SLCO1B1: variants seen among roughly 807,000 people sequenced by gnomAD.
SLCO1B1 encodes the protein solute carrier organic anion transporter family member 1B1, also known as OATP-2.
In SLCO1B1, 81 loss-of-function variants were observed where a neutral mutation model predicts 70.1. The ratio of observed to expected loss-of-function variants is 1.16; its 90% confidence interval spans 0.97 to 1.39. The LOEUF (loss-of-function observed/expected upper bound fraction) is 1.39. SLCO1B1 is among the 40% of genes most tolerant of loss of function. SLCO1B1 has a pLI of 0.00. For synonymous variants in SLCO1B1, 283 were observed against 271.5 expected (o/e 1.04, Z -0.42); for missense variants, 895 against 799.6 (o/e 1.12, Z -1.44).
chr12:21,222,372 G>GAAAAAAAAA lies in SLCO1B1; in HGVS notation c.1747+26_1747+34dup, dbSNP rs4149102. 1.2e-4 allele frequency: 3 copies of GAAAAAAAAA among 24,954 alleles called. No homozygotes were observed. Among genetic ancestry groups the GAAAAAAAAA allele is most frequent in the Non-Finnish European group, 1.4e-4 (2 of 14,804 alleles). 1.5% of individuals were successfully genotyped at this position (24,954 alleles called of 1,614,324 possible). A position where few individuals can be genotyped will look rare whatever the true frequency, so the allele number is the denominator to read the frequency against. ...TGGTTATACGAGCACTAGGTATGAT[G>GAAAAAAAAA]AAAAAAAAAAAAAAAAAAAAAAAAA... On this transcript the variant is annotated intron_variant, in intron 13 of 14. Coordinates refer to ENST00000256958, the MANE Select transcript of SLCO1B1 (RefSeq NM_006446.5).
In SLCO1B1 at chr12:21,225,207, A is replaced by T. The variant is rs1941470810; in HGVS notation, c.1865+368A>T. On this transcript the variant is annotated intron_variant, in intron 14 of 14. Coordinates refer to ENST00000256958, the MANE Select transcript of SLCO1B1 (RefSeq NM_006446.5). ...TATACACATGTAAATATAGACACAG[A>T]CATATATATATGCATGTGTGTGTAT... 2.0e-5 allele frequency among the ~76,000 whole-genome samples: 3 copies of T among 152,272 alleles called. No homozygotes were observed. The South Asian group carries it at 6.2e-4, about 32-fold the overall frequency.
At chr12:21,144,950 A>C (rs1353390001) in intron 2 of SLCO1B1, among the ~76,000 whole-genome samples, 1 of 152,212 alleles carries the variant, frequency 6.6e-6, no homozygotes, top group African/African-American at 2.4e-5. Context: ...ACCTGTCACC[A>C]CAAAAATAGA....
intron 2 of SLCO1B1, 62 bp downstream of exon 2, chr12:21,141,720 A>G (rs1940311888): frequency 1.0e-6 from 1 of 993,112 alleles, no homozygotes; most frequent in Non-Finnish European, 1.6e-6. Context: ...ATGTATAGAA[A>G]AGCAAGTTGT....
intron 2 of SLCO1B1, among the ~76,000 whole-genome samples, chr12:21,168,991 T>C (rs886882031): frequency 2.6e-5 from 4 of 152,138 alleles, no homozygotes; most frequent in African/African-American, 9.6e-5. Context: ...TTTCTGGAAG[T>C]TTAAGGTCTT....
intron 2 of SLCO1B1, among the ~76,000 whole-genome samples, chr12:21,172,418 C>G (rs760103586): frequency 3.9e-5 from 6 of 152,166 alleles, no homozygotes; most frequent in Admixed American, 2.6e-4. Context: ...CTGTAGTGCT[C>G]TAATATTTTG....
In SLCO1B1 at chr12:21,174,668, T is replaced by G. The variant is rs1476378208; in HGVS notation, c.318T>G (p.Ile106Met). ...LIGIGCFIMG[I>M]GGVLTALPHF... ...GAATCGGTTGTTTCATTATGGGAAT[T>G]GGAGGTGTTTTGACTGCTTTGCCAC... is the stretch of plus-strand genomic sequence containing the variant. Residue 106 changes from isoleucine (I) to methionine (M), a missense_variant, in exon 4 of 15, where the codon ATT becomes ATG. Transcript: ENST00000256958. 23 of 1,612,842 alleles carry G rather than the reference T, an allele frequency of 1.4e-5. No individual in the cohort carries two copies. Among genetic ancestry groups the G allele is most frequent in the Non-Finnish European group, 1.9e-5 (23 of 1,179,614 alleles).
chr12:21,209,426 T>C (rs1268187149), intron 11 of SLCO1B1, among the ~76,000 whole-genome samples: 1 of 152,154 alleles, frequency 6.6e-6, no homozygotes, highest in East Asian at 1.9e-4. Context: ...CCATGGTGTA[T>C]ATGTGCCACA....
intron 2 of SLCO1B1, among the ~76,000 whole-genome samples, chr12:21,145,831 C>T (rs1376421508): frequency 1.3e-5 from 2 of 151,992 alleles, no homozygotes; most frequent in African/African-American, 4.8e-5. Context: ...TTGCTGAATG[C>T]AAGTGGTGCT....
At chr12:21,214,061 T>A (rs1433784704) in intron 11 of SLCO1B1, among the ~76,000 whole-genome samples, 1 of 152,216 alleles carries the variant, frequency 6.6e-6, no homozygotes, top group Non-Finnish European at 1.5e-5. Flanking sequence ...TTCTCTCAGC[T>A]CGTCAAAGTC....
chr12:21,197,865 T>C (rs189164222), intron 8 of SLCO1B1, among the ~76,000 whole-genome samples: 2 of 152,246 alleles, frequency 1.3e-5, no homozygotes, highest in Admixed American at 1.3e-4. Flanking sequence ...TGCATCAGCA[T>C]TTGACAGTGC....
At chr12:21,233,404 AATTCCG>A (rs2121207336) in intron 14 of SLCO1B1, among the ~76,000 whole-genome samples, 1 of 152,208 alleles carries the variant, frequency 6.6e-6, no homozygotes, top group South Asian at 2.1e-4. Flanking sequence ...TCTAACCAAG[AATTCCG>A]AGTCTTCCTC....
intron 7 of SLCO1B1, among the ~76,000 whole-genome samples, chr12:21,192,988 T>C (rs1032988714): frequency 4.6e-5 from 7 of 152,102 alleles, no homozygotes; most frequent in Non-Finnish European, 8.8e-5. Flanking sequence ...TTTGTTAGTA[T>C]CCATATTTTT....
rs1175184980 is a variant in SLCO1B1, at chr12:21,131,608, T to C, written c.-62+372T>C. ...ACTACATTGACTGATCACACTAGAC[T>C]CCTTATTTCTTTGATGTCTTCTTAA... is the stretch of plus-strand genomic sequence containing the variant. On this transcript the variant is annotated intron_variant, in intron 1 of 14. Coordinates refer to ENST00000256958, the MANE Select transcript of SLCO1B1 (RefSeq NM_006446.5). Among the ~76,000 whole-genome samples, 3 of 152,160 alleles carry C rather than the reference T, an allele frequency of 2.0e-5. No individual in the cohort carries two copies. The East Asian group carries it at 5.8e-4, about 29-fold the overall frequency.
chr12:21,174,623 A>T lies in SLCO1B1; in HGVS notation c.273A>T (p.Leu91=). The change falls in exon 4 of 15, where the codon CTA becomes CTT. Residue 91 remains leucine, a synonymous_variant. Transcript: ENST00000256958. ...IVFVSYFGSK[L]HRPKLIGIGC... is the part of the protein sequence containing the mutation. ...TTGTGAGTTACTTTGGATCCAAACT[A>T]CATAGACCAAAGTTAATTGGAATCG... 1 of 1,613,348 alleles carries T rather than the reference A, an allele frequency of 6.2e-7. No individual in the cohort carries two copies. The highest frequency in any genetic ancestry group is 8.5e-7 in the Non-Finnish European group (1 of 1,179,558).
At chr12:21,183,299 C>G (rs539416750) in intron 7 of SLCO1B1, among the ~76,000 whole-genome samples, 1 of 152,298 alleles carries the variant, frequency 6.6e-6, no homozygotes, top group Admixed American at 6.5e-5. Flanking sequence ...AGGCTCAAGC[C>G]ATTCTCCCAC....
At chr12:21,149,442 G>A (rs961529068) in intron 2 of SLCO1B1, among the ~76,000 whole-genome samples, 5 of 152,134 alleles carry the variant, frequency 3.3e-5, no homozygotes, top group Non-Finnish European at 1.5e-5. Flanking sequence ...GCTCCAGTGT[G>A]CAGCTCCCAA....
In SLCO1B1 at chr12:21,167,771, C is replaced by A. The variant is rs192612583; in HGVS notation, c.85-4879C>A. ...GTAAGTACCTTTCCACTTTCTGTTT[C>A]TAATTTTTTGACTACTTTAAATATT... On this transcript the variant is annotated intron_variant, in intron 2 of 14. Coordinates refer to ENST00000256958, the MANE Select transcript of SLCO1B1 (RefSeq NM_006446.5). Among the ~76,000 whole-genome samples the A allele has an allele frequency of 2.5e-4, 38 of 150,554 alleles. No homozygotes were observed. In the East Asian group the frequency reaches 7.2e-3, roughly 28 times the overall value.
chr12:21,215,867 C>T (rs1235795243), intron 11 of SLCO1B1, among the ~76,000 whole-genome samples: 1 of 151,964 alleles, frequency 6.6e-6, no homozygotes, highest in Admixed American at 6.6e-5. Context: ...CAGGTTTTTT[C>T]AGTACTGATT....
rs778289887 is a variant in SLCO1B1, at chr12:21,178,667, G to A, written c.573G>A (p.Leu191=). The part of the protein sequence containing the change: ...RGIGETPIVP[L]GLSYIDDFAK... ...TAGGGGAGACTCCCATAGTACCATT[G>A]GGGCTTTCTTACATTGATGATTTCG... The change falls in exon 6 of 15, where the codon TTG becomes TTA. Residue 191 remains leucine, a synonymous_variant. Coordinates refer to ENST00000256958, the MANE Select transcript of SLCO1B1 (RefSeq NM_006446.5). The A allele has an allele frequency of 6.2e-7, 1 of 1,606,506 alleles. No individual in the cohort carries two copies. The highest frequency in any genetic ancestry group is 1.7e-5 in the Admixed American group (1 of 59,974).
Sources: gnomAD v4.1 joint callset for allele counts (sites outside exome capture counted in the v4.1 genomes callset) on GRCh38, gnomAD v4.1.1 for gene constraint, MANE v1.5 for transcripts, NCBI Gene and HGNC (gene_info 2026-07-23, HGNC 2026-07-21) for gene names.